CRYZL1: variants seen among roughly 807,000 people sequenced by gnomAD.
CRYZL1 encodes crystallin zeta like 1.
Under a neutral mutation model 50.6 loss-of-function variants are expected in CRYZL1, and 34 were observed. That is an observed-to-expected ratio of 0.67 (90% CI 0.51 to 0.89). CRYZL1 has a LOEUF of 0.89. CRYZL1 is among the 40% of genes least tolerant of loss of function. The pLI is 0.00. For synonymous variants in CRYZL1, 125 were observed against 134.3 expected (o/e 0.93, Z 0.48); for missense variants, 354 against 402.3 (o/e 0.88, Z 1.03).
chr21:33,601,081 C>T (rs1209724050), intron 8 of CRYZL1, among the ~76,000 whole-genome samples: 11 of 151,220 alleles, frequency 7.3e-5, no homozygotes, highest in Admixed American at 6.6e-4. Context: ...GGATTACAGG[C>T]GTCTGCCACC....
intron 6 of CRYZL1, among the ~76,000 whole-genome samples, chr21:33,610,130 A>G (rs529946801): frequency 9.2e-4 from 139 of 151,734 alleles, no homozygotes; most frequent in Middle Eastern, 3.4e-3. Context: ...GATTATAGGC[A>G]TGAGCCACCA....
At chr21:33,596,177 CAT>C (rs1474302304) in intron 10 of CRYZL1, 1 of 510,212 alleles carries the variant, frequency 2.0e-6, no homozygotes, top group Non-Finnish European at 3.9e-6. Context: ...TATCAGCCAT[CAT>C]GTAAATATGT....
rs2086686907 is a variant in CRYZL1, at chr21:33,595,712, C to T, written c.904+19G>A. The T allele has an allele frequency of 6.2e-7, 1 of 1,611,782 alleles. No individual in the cohort carries two copies. The highest frequency in any genetic ancestry group is 1.3e-5 in the African/African-American group (1 of 74,858). The stretch of plus-strand genomic sequence containing the variant: ...ACAAAGTTCAAGCCAGAAACTCAAT[C>T]AGTCGATAAAAAGGATATAAAGATA... On this transcript the variant is annotated intron_variant, in intron 11 of 12. Transcript: ENST00000381554.
intron 6 of CRYZL1, among the ~76,000 whole-genome samples, chr21:33,609,955 C>T (rs1291691834): frequency 2.0e-5 from 3 of 149,476 alleles, no homozygotes; most frequent in Non-Finnish European, 3.0e-5. Flanking sequence ...CCGCCCGCCT[C>T]GGCCTCCCAA....
chr21:33,598,973 A>G (rs1005333758), intron 9 of CRYZL1, among the ~76,000 whole-genome samples, 177 bp downstream of exon 9: 3 of 152,200 alleles, frequency 2.0e-5, no homozygotes, highest in Non-Finnish European at 2.9e-5. Context: ...AGCGCTTACA[A>G]TGAGAATAAA....
intron 2 of CRYZL1, among the ~76,000 whole-genome samples, chr21:33,630,876 G>A (rs895927479): frequency 2.6e-5 from 4 of 152,204 alleles, no homozygotes; most frequent in African/African-American, 9.6e-5. Context: ...GCTGTGTTAA[G>A]TGAAATAAGC....
At chr21:33,630,334 C>G (rs1480993012) in intron 2 of CRYZL1, among the ~76,000 whole-genome samples, 1 of 152,308 alleles carries the variant, frequency 6.6e-6, no homozygotes, top group East Asian at 1.9e-4. Flanking sequence ...GCCTATAATC[C>G]TAGCACTTTG....
At chr21:33,596,301 A>G (rs1601325852) in intron 10 of CRYZL1, 3 of 209,914 alleles carry the variant, frequency 1.4e-5, no homozygotes, top group South Asian at 7.0e-5. Flanking sequence ...TTTGCTAAGT[A>G]TATGTCAACA....
Position 33,602,316 on chromosome 21 carries a change from T to A in CRYZL1, c.495A>T (p.Ala165=), listed in dbSNP as rs372629763. 5 of 1,610,024 alleles carry A rather than the reference T, an allele frequency of 3.1e-6. No individual in the cohort carries two copies. In the African/African-American group the frequency reaches 5.3e-5, roughly 17 times the overall value. The change falls in exon 8 of 13, where the codon GCA becomes GCT. Residue 165 remains alanine (A), a synonymous_variant. Transcript: ENST00000381554. ...AAATCACTTTGGCTCCTCTATGATG[T>A]GCTAACTGAATAGCTATTGTACCAA... ...SAFGTIAIQL[A]HHRGAKVIST...
intron 4 of CRYZL1, 179 bp from the exon 5 acceptor site, chr21:33,616,929 G>C (rs1456746419): frequency 1.8e-5 from 8 of 443,616 alleles, no homozygotes; most frequent in Non-Finnish European, 2.8e-5. Context: ...AGGATATACA[G>C]CACTTCAAAT....
intron 1 of CRYZL1, among the ~76,000 whole-genome samples, chr21:33,634,880 AAT>A (rs10599845): frequency 0.3 from 43,002 of 144,144 alleles, 6,289 homozygotes; most frequent in Middle Eastern, 0.46. Context: ...CAACAACAAC[AAT>A]ATATATATAT....
At chr21:33,614,904 T>C (rs2086911796) in intron 5 of CRYZL1, among the ~76,000 whole-genome samples, 1 of 152,118 alleles carries the variant, frequency 6.6e-6, no homozygotes, top group African/African-American at 2.4e-5. Context: ...ATTTTTCTTC[T>C]AAGCTAGTCT....
chr21:33,600,932 A>ATATTTTTTT (rs760240536), intron 8 of CRYZL1, among the ~76,000 whole-genome samples: 1 of 122,596 alleles, frequency 8.2e-6, no homozygotes, highest in South Asian at 2.6e-4. Context: ...CGGTCCATAA[A>ATATTTTTTT]GTTTTTTTTT....
At chr21:33,623,068 C>A (rs142639939) in intron 3 of CRYZL1, among the ~76,000 whole-genome samples, 1 of 151,126 alleles carries the variant, frequency 6.6e-6, no homozygotes, top group Non-Finnish European at 1.5e-5. Context: ...CAGGTTCAAG[C>A]GATTCTCCTG....
In CRYZL1 at chr21:33,641,345, T is replaced by A. The variant is rs1423555076; in HGVS notation, c.-7+336A>T. On this transcript the variant is annotated intron_variant, in intron 1 of 12. Transcript: ENST00000381554. ...CAGAGAAAGAAAAAGACACTCAAAT[T>A]CTAGGAACAAGAAGCAGAGGAGAAA... 10 of 1,528,678 alleles carry A rather than the reference T, an allele frequency of 6.5e-6. No homozygotes were observed. In the East Asian group the frequency reaches 2.5e-4, roughly 38 times the overall value. 94.7% of individuals were successfully genotyped at this position (1,528,678 alleles called of 1,614,324 possible).
At chr21:33,607,530 G>A (rs2086825973) in intron 6 of CRYZL1, among the ~76,000 whole-genome samples, 1 of 152,170 alleles carries the variant, frequency 6.6e-6, no homozygotes, top group Non-Finnish European at 1.5e-5. Context: ...TACTTGGGAG[G>A]CTGAGGTGGG....
At chr21:33,629,078 AAAGTT>A (rs1195268953) in intron 2 of CRYZL1, among the ~76,000 whole-genome samples, 1 of 152,026 alleles carries the variant, frequency 6.6e-6, no homozygotes, top group Non-Finnish European at 1.5e-5. Context: ...AAAAAAAAAA[AAAGTT>A]AGTCAGACAG....
At chr21:33,614,728 C>T (rs370150098) in intron 5 of CRYZL1, among the ~76,000 whole-genome samples, 1 of 152,090 alleles carries the variant, frequency 6.6e-6, no homozygotes, top group Non-Finnish European at 1.5e-5. Context: ...TGCACCACCA[C>T]GCCCAGCTAA....
At chr21:33,629,951 C>T (rs1049859304) in intron 2 of CRYZL1, among the ~76,000 whole-genome samples, 5 of 152,172 alleles carry the variant, frequency 3.3e-5, no homozygotes, top group East Asian at 1.9e-4. Context: ...AGGGATGTTA[C>T]ATTTCATTAT....
Sources: allele counts gnomAD v4.1 joint callset (sites outside exome capture counted in the v4.1 genomes callset), GRCh38; gene constraint gnomAD v4.1.1; transcripts MANE v1.5; gene names NCBI Gene and HGNC (gene_info 2026-07-23, HGNC 2026-07-21).